The following SLC44A5 variants were observed in gnomAD, a reference collection of about 807,000 sequenced individuals.
SLC44A5 encodes the protein choline transporter-like protein 5.
In SLC44A5, 57 loss-of-function variants were observed where a neutral mutation model predicts 101.8. The ratio of observed to expected loss-of-function variants is 0.56; its 90% CI spans 0.45 to 0.70. The LOEUF is 0.70. Among genes scored for constraint, SLC44A5 ranks in the 30% least tolerant of loss-of-function variants. The probability of loss-of-function intolerance (pLI) is 0.00; values close to 1 mark genes in which losing one functional copy is unlikely to be tolerated. For missense variants in SLC44A5, 737 were observed against 853.1 expected (o/e 0.86, Z 1.70); for synonymous variants, 281 against 290.9 (o/e 0.97, Z 0.35).
At chr1:75,710,918 C>T in the SLC44A5 span, among the ~76,000 whole-genome samples, 39 of 152,208 alleles carry the variant, frequency 2.6e-4, no homozygotes, top group South Asian at 1.2e-3. Flanking sequence ...TTTTATTTTC[C>T]TGTCTCTCCT....
intron 2 of SLC44A5, among the ~76,000 whole-genome samples, chr1:75,505,627 C>T (rs1231007269): frequency 6.6e-6 from 1 of 151,952 alleles, no homozygotes; most frequent in East Asian, 1.9e-4. Flanking sequence ...TTTATTCATA[C>T]TTTTTTCGCT....
intron 12 of SLC44A5, among the ~76,000 whole-genome samples, chr1:75,231,917 T>A: frequency 6.6e-6 from 1 of 152,190 alleles, no homozygotes; most frequent in East Asian, 1.9e-4. Flanking sequence ...TCTGGCTTTT[T>A]CTCTGCTCAG....
chr1:75,449,755 CA>C (rs1222447119), intron 2 of SLC44A5, among the ~76,000 whole-genome samples: 6 of 152,128 alleles, frequency 3.9e-5, no homozygotes, highest in Non-Finnish European at 8.8e-5. Context: ...GTAATCCTAG[CA>C]CTTTGGGAGG....
At chr1:75,476,461 G>A (rs537539090) in intron 2 of SLC44A5, among the ~76,000 whole-genome samples, 16 of 152,308 alleles carry the variant, frequency 1.1e-4, no homozygotes, top group South Asian at 6.2e-4. Flanking sequence ...TGCCTCACTC[G>A]GGAAGTGCAA....
chr1:75,703,755 G>C, the SLC44A5 span, among the ~76,000 whole-genome samples: 1 of 152,022 alleles, frequency 6.6e-6, no homozygotes, highest in Non-Finnish European at 1.5e-5. Flanking sequence ...TGGAGGTCAG[G>C]TGCCACGCCT....
intron 10 of SLC44A5, 86 bp downstream of exon 10, chr1:75,238,427 T>C (rs1648318514): frequency 2.8e-6 from 2 of 713,532 alleles, no homozygotes; most frequent in Non-Finnish European, 2.1e-6. Context: ...ATTATTTTCC[T>C]ATAACCCTTA....
chr1:75,519,579 T>C (rs1047759950), intron 2 of SLC44A5, among the ~76,000 whole-genome samples: 32 of 152,130 alleles, frequency 2.1e-4, no homozygotes, highest in Non-Finnish European at 1.0e-4. Context: ...AATTATTATT[T>C]GCATCATGCA....
intron 2 of SLC44A5, among the ~76,000 whole-genome samples, chr1:75,525,714 G>T (rs993269605): frequency 6.6e-6 from 1 of 152,108 alleles, no homozygotes; most frequent in East Asian, 1.9e-4. Flanking sequence ...TATCATGTGT[G>T]TGGGTATAAT....
the SLC44A5 span, among the ~76,000 whole-genome samples, chr1:75,644,173 G>A: frequency 6.6e-6 from 1 of 151,998 alleles, no homozygotes. Flanking sequence ...CAAGGGAACT[G>A]GTAAAATTTT....
chr1:75,393,961 A>G (rs1661962023), intron 3 of SLC44A5, among the ~76,000 whole-genome samples: 1 of 152,184 alleles, frequency 6.6e-6, no homozygotes, highest in Admixed American at 6.6e-5. Flanking sequence ...AGTCCAGGGC[A>G]AGAAAGAGCA....
chr1:75,412,428 A>G (rs1663339563), intron 2 of SLC44A5, among the ~76,000 whole-genome samples: 1 of 152,156 alleles, frequency 6.6e-6, no homozygotes, highest in Non-Finnish European at 1.5e-5. Context: ...CATTGAGCTT[A>G]GATCGAACCT....
chr1:75,644,261 AAG>A, the SLC44A5 span, among the ~76,000 whole-genome samples: 1 of 152,166 alleles, frequency 6.6e-6, no homozygotes, highest in East Asian at 1.9e-4. Context: ...AGCTACAGTC[AAG>A]AGTTTTAAAT....
At chr1:75,330,144 C>CATAT (rs1557669608) in intron 4 of SLC44A5, among the ~76,000 whole-genome samples, 5 of 100,780 alleles carry the variant, frequency 5.0e-5, no homozygotes, top group Non-Finnish European at 7.3e-5. Flanking sequence ...CACACACATG[C>CATAT]ATATACGTAT....
At chr1:75,287,969 T>C (rs1653208508) in intron 5 of SLC44A5, among the ~76,000 whole-genome samples, 1 of 152,208 alleles carries the variant, frequency 6.6e-6, no homozygotes, top group Non-Finnish European at 1.5e-5. Flanking sequence ...ATAGGAAGGA[T>C]ACAAGCTTGC....
intron 4 of SLC44A5, among the ~76,000 whole-genome samples, chr1:75,326,372 T>C (rs1435541340): frequency 2.0e-5 from 3 of 151,970 alleles, no homozygotes; most frequent in African/African-American, 4.8e-5. Flanking sequence ...AAATCTTATC[T>C]TTAAAATATA....
intron 2 of SLC44A5, among the ~76,000 whole-genome samples, chr1:75,427,797 A>C (rs1266517620): frequency 6.6e-6 from 1 of 152,244 alleles, no homozygotes; most frequent in Non-Finnish European, 1.5e-5. Flanking sequence ...CCTAACCCTT[A>C]TTAAAAAGCC....
At chr1:75,296,306 A>T (rs984586753) in intron 5 of SLC44A5, among the ~76,000 whole-genome samples, 1 of 152,174 alleles carries the variant, frequency 6.6e-6, no homozygotes, top group African/African-American at 2.4e-5. Flanking sequence ...GAAAAATGAC[A>T]AAGAATTTGC....
At chr1:75,637,887 C>T in the SLC44A5 span, among the ~76,000 whole-genome samples, 1 of 151,902 alleles carries the variant, frequency 6.6e-6, no homozygotes, top group Non-Finnish European at 1.5e-5. Flanking sequence ...TTAAATTAGC[C>T]TCTTCCAAAA....
At chr1:75,433,785 C>T (rs1386233229) in intron 2 of SLC44A5, among the ~76,000 whole-genome samples, 3 of 152,084 alleles carry the variant, frequency 2.0e-5, no homozygotes, top group Admixed American at 6.6e-5. Context: ...AAGATGTACC[C>T]GAGACTGGGT....
Sources: allele counts gnomAD v4.1 joint callset (sites outside exome capture counted in the v4.1 genomes callset), GRCh38; gene constraint gnomAD v4.1.1; transcripts MANE v1.5; gene names NCBI Gene and HGNC (gene_info 2026-07-23, HGNC 2026-07-21).